Variants in PLPPR5 observed in about 807,000 individuals in gnomAD.
PLPPR5 encodes phospholipid phosphatase-related protein type 5.
In PLPPR5, 16 loss-of-function variants were observed where a neutral mutation model predicts 33.9. The ratio of observed to expected loss-of-function variants is 0.47; its 90% CI spans 0.32 to 0.72. The LOEUF (loss-of-function observed/expected upper bound fraction) is 0.72, where lower values mean the gene tolerates loss of function less well. Ranked by LOEUF, PLPPR5 falls within the 30% of genes least tolerant of loss-of-function variation. PLPPR5 has a pLI of 0.03. For synonymous variants in PLPPR5, 163 were observed against 150.3 expected, an observed-to-expected ratio of 1.08 and a Z score of -0.62; for missense variants, 301 against 406.7, an observed-to-expected ratio of 0.74 and a Z score of 2.23.
chr1:98,950,982 G>T (rs915096663), intron 3 of PLPPR5, among the ~76,000 whole-genome samples: 3 of 152,050 alleles, frequency 2.0e-5, no homozygotes, highest in Non-Finnish European at 4.4e-5. Flanking sequence ...AGTATTACAG[G>T]CATGAGCCAC....
At chr1:98,958,119 G>A (rs1009476766) in intron 1 of PLPPR5, among the ~76,000 whole-genome samples, 2 of 152,212 alleles carry the variant, frequency 1.3e-5, no homozygotes, top group African/African-American at 4.8e-5. Flanking sequence ...CTAACAGTGT[G>A]TCTACTAATT....
chr1:98,953,045 C>A (rs368522706), intron 3 of PLPPR5, 25 bp downstream of exon 3: 1 of 1,612,274 alleles, frequency 6.2e-7, no homozygotes, highest in Non-Finnish European at 8.5e-7. Flanking sequence ...CAGACTAAGA[C>A]AACAAATTTA....
intron 1 of PLPPR5, among the ~76,000 whole-genome samples, chr1:98,962,459 T>C (rs1184538014): frequency 1.3e-5 from 2 of 152,204 alleles, no homozygotes; most frequent in Non-Finnish European, 2.9e-5. Context: ...CTGTTGATTA[T>C]ATATCTTAAT....
At position 98,890,301 on chromosome 1, in the gene PLPPR5, GAATT is replaced by G. The variant is rs1648227540; in HGVS notation, c.*2767_*2770del. On this transcript the variant is annotated 3_prime_UTR_variant, in exon 6 of 6. Coordinates refer to ENST00000263177, the MANE Select transcript of PLPPR5 (RefSeq NM_001037317.2). ...TTTGAAAAATACAATACACAGCAGA[GAATT>G]ATTTCCTCCCCTACTGTTCTTTCAC... is the stretch of plus-strand genomic sequence containing the variant. 2 of 152,458 alleles carry G rather than the reference GAATT, an allele frequency of 1.3e-5. No individual in the cohort carries two copies. Among genetic ancestry groups the G allele is most frequent in the Non-Finnish European group, 2.9e-5 (2 of 68,004 alleles). The allele number at this position is 152,458 out of a possible 1,614,324, so 9.4% of individuals were successfully genotyped here.
chr1:98,956,317 T>C (rs928485433), intron 2 of PLPPR5, among the ~76,000 whole-genome samples: 2 of 152,132 alleles, frequency 1.3e-5, no homozygotes, highest in African/African-American at 4.8e-5. Context: ...AAAGAGAAGG[T>C]AGTATGTAAT....
intron 4 of PLPPR5, among the ~76,000 whole-genome samples, chr1:98,920,966 A>G (rs1325583835): frequency 6.6e-6 from 1 of 152,074 alleles, no homozygotes; most frequent in African/African-American, 2.4e-5. Context: ...TTTATTATAT[A>G]CTCATACTTA....
intron 3 of PLPPR5, among the ~76,000 whole-genome samples, chr1:98,927,598 T>C (rs1570704979): frequency 6.6e-6 from 1 of 152,340 alleles, no homozygotes; most frequent in East Asian, 1.9e-4. Flanking sequence ...CTGACTTACC[T>C]GCTGCAGGTG....
chr1:98,992,981 T>C (rs1237180226), intron 1 of PLPPR5, among the ~76,000 whole-genome samples: 1 of 152,126 alleles, frequency 6.6e-6, no homozygotes, highest in East Asian at 1.9e-4. Context: ...CCACTTAATC[T>C]TTCTGTGCCT....
intron 3 of PLPPR5, among the ~76,000 whole-genome samples, chr1:98,932,829 T>C (rs1650028465): frequency 6.6e-6 from 1 of 152,150 alleles, no homozygotes; most frequent in African/African-American, 2.4e-5. Context: ...AGGGCTATGA[T>C]GTTAGGTGGG....
At chr1:98,914,732 A>G in intron 5 of PLPPR5, 54 bp downstream of exon 5, 1 of 1,491,588 alleles carries the variant, frequency 6.7e-7, no homozygotes, top group Non-Finnish European at 9.2e-7. Flanking sequence ...ACATACAGGA[A>G]TAATGATTCA....
chr1:98,937,428 A>G (rs2101186217), intron 3 of PLPPR5, among the ~76,000 whole-genome samples: 1 of 152,340 alleles, frequency 6.6e-6, no homozygotes, highest in South Asian at 2.1e-4. Context: ...AAAATGCAGT[A>G]GATGTGACAC....
chr1:99,001,529 G>A (rs1652843044), intron 1 of PLPPR5, among the ~76,000 whole-genome samples: 1 of 151,576 alleles, frequency 6.6e-6, no homozygotes, highest in Admixed American at 6.6e-5. Context: ...ATATAAAAGT[G>A]ATAAAATTCA....
In PLPPR5 at chr1:98,932,402, A is replaced by G. The variant is rs139361181; in HGVS notation, c.622-10344T>C. On this transcript the variant is annotated intron_variant, in intron 3 of 5. Coordinates refer to ENST00000263177, the MANE Select transcript of PLPPR5 (RefSeq NM_001037317.2). ...ATGTTTGTTTTGCCGCTTACTCAAT[A>G]CTCAGCCCTGGCACAGGGTCACTCA... Among the ~76,000 whole-genome samples the G allele has an allele frequency of 3.1e-3, 468 of 152,260 alleles. 3 individuals are homozygous for G. Among genetic ancestry groups the G allele is most frequent in the African/African-American group, 0.011 (445 of 41,558 alleles).
chr1:98,983,308 A>C (rs940410154), intron 1 of PLPPR5, among the ~76,000 whole-genome samples: 2 of 134,772 alleles, frequency 1.5e-5, no homozygotes, highest in Non-Finnish European at 3.2e-5. Context: ...TCATTGTTCA[A>C]TTCCCACCTA....
At chr1:98,968,141 T>G (rs17119307) in intron 1 of PLPPR5, among the ~76,000 whole-genome samples, 14,019 of 152,140 alleles carry the variant, frequency 0.092, 787 homozygotes, top group East Asian at 0.25. Context: ...TGTTTATGCT[T>G]TGCCAAACCA....
chr1:98,911,412 ATT>A (rs1418031530), intron 5 of PLPPR5, among the ~76,000 whole-genome samples: 1 of 152,244 alleles, frequency 6.6e-6, no homozygotes, highest in African/African-American at 2.4e-5. Context: ...GAATACATAT[ATT>A]AATGAATACT....
At chr1:98,994,629 A>C (rs1361126722) in intron 1 of PLPPR5, among the ~76,000 whole-genome samples, 1 of 152,214 alleles carries the variant, frequency 6.6e-6, no homozygotes, top group East Asian at 1.9e-4. Context: ...CAGTTTGTTT[A>C]TATTCTGATT....
At chr1:98,971,479 G>T (rs979111261) in intron 1 of PLPPR5, among the ~76,000 whole-genome samples, 1 of 151,808 alleles carries the variant, frequency 6.6e-6, no homozygotes, top group African/African-American at 2.4e-5. Context: ...CTCCCTTCAA[G>T]ATTCAGATTA....
At chr1:98,949,182 A>G (rs1457520805) in intron 3 of PLPPR5, among the ~76,000 whole-genome samples, 1 of 152,196 alleles carries the variant, frequency 6.6e-6, no homozygotes, top group Non-Finnish European at 1.5e-5. Context: ...ACACTGAATT[A>G]TAAATTTGAT....
Sources: gnomAD v4.1 joint callset for allele counts (sites outside exome capture counted in the v4.1 genomes callset) on GRCh38, gnomAD v4.1.1 for gene constraint, MANE v1.5 for transcripts, NCBI Gene and HGNC (gene_info 2026-07-23, HGNC 2026-07-21) for gene names.